Variants in CSMD1 observed in about 807,000 individuals in gnomAD.
CSMD1 encodes the protein CUB and sushi domain-containing protein 1.
CSMD1 carries 213 observed loss-of-function variants against 417.5 expected under a neutral mutation model. That is an observed-to-expected ratio of 0.51 (90% CI 0.46 to 0.57). The LOEUF (loss-of-function observed/expected upper bound fraction) is 0.57, where lower values mean the gene tolerates loss of function less well. Among genes scored for constraint, CSMD1 ranks in the 20% least tolerant of loss-of-function variants. CSMD1 has a pLI of 0.00. For synonymous variants in CSMD1, 2,862 were observed against 1,736.8 expected, an observed-to-expected ratio of 1.65 and a Z score of -16.11; for missense variants, 6,923 against 4,529.7, an observed-to-expected ratio of 1.53 and a Z score of -15.17.
chr8:4,441,344 C>G (rs1356451802), intron 2 of CSMD1, among the ~76,000 whole-genome samples: 4 of 148,814 alleles, frequency 2.7e-5, no homozygotes, highest in Admixed American at 6.7e-5. Context: ...AACAGCTGGC[C>G]CCAAGCAATC....
intron 1 of CSMD1, among the ~76,000 whole-genome samples, chr8:4,947,020 A>G (rs1808415149): frequency 1.3e-5 from 2 of 152,198 alleles, no homozygotes; most frequent in South Asian, 2.1e-4. Flanking sequence ...AATCAGCAAA[A>G]TAAGAACTTT....
chr8:4,168,278 C>G (rs1797569425), intron 3 of CSMD1, among the ~76,000 whole-genome samples: 1 of 151,724 alleles, frequency 6.6e-6, no homozygotes, highest in Non-Finnish European at 1.5e-5. Flanking sequence ...CCTGTACTCC[C>G]AACTACACAG....
At chr8:4,877,765 C>T (rs577372683) in intron 1 of CSMD1, among the ~76,000 whole-genome samples, 43 of 152,190 alleles carry the variant, frequency 2.8e-4, no homozygotes, top group South Asian at 1.7e-3. Context: ...TGTATTCATG[C>T]CTGTAAAAAG....
At chr8:3,692,552 A>G (rs1229459152) in intron 7 of CSMD1, among the ~76,000 whole-genome samples, 1 of 151,762 alleles carries the variant, frequency 6.6e-6, no homozygotes, top group African/African-American at 2.4e-5. Context: ...CTCCTGCCTC[A>G]GCCTCCCGAG....
intron 5 of CSMD1, among the ~76,000 whole-genome samples, chr8:3,777,084 A>G (rs1315415656): frequency 1.3e-5 from 2 of 150,246 alleles, no homozygotes; most frequent in African/African-American, 2.5e-5. Flanking sequence ...GCTTCCTACT[A>G]TCTATCTATC....
intron 7 of CSMD1, among the ~76,000 whole-genome samples, chr8:3,636,309 C>G (rs1286895899): frequency 6.6e-6 from 1 of 152,156 alleles, no homozygotes; most frequent in Non-Finnish European, 1.5e-5. Flanking sequence ...GTTGTACAGG[C>G]CGGGATTACA....
chr8:3,569,912 G>A (rs978043115), intron 10 of CSMD1, among the ~76,000 whole-genome samples: 1 of 152,026 alleles, frequency 6.6e-6, no homozygotes, highest in East Asian at 1.9e-4. Context: ...AAATGACAAA[G>A]GGCAAATAAT....
chr8:3,544,446 C>G (rs1337470441), intron 10 of CSMD1, among the ~76,000 whole-genome samples: 1 of 152,070 alleles, frequency 6.6e-6, no homozygotes, highest in East Asian at 1.9e-4. Flanking sequence ...CTCTTACTCT[C>G]GGGAACGCCT....
At chr8:4,216,193 C>G (rs1406591335) in intron 3 of CSMD1, among the ~76,000 whole-genome samples, 1 of 152,182 alleles carries the variant, frequency 6.6e-6, no homozygotes, top group African/African-American at 2.4e-5. Context: ...GCTTTGTCAA[C>G]ATTGCGATGG....
intron 1 of CSMD1, among the ~76,000 whole-genome samples, chr8:4,773,629 T>C (rs1796704628): frequency 6.6e-6 from 1 of 152,184 alleles, no homozygotes; most frequent in Non-Finnish European, 1.5e-5. Flanking sequence ...GTCATCTCCT[T>C]TTGGGTTATT....
rs756417392 is a variant in CSMD1 at position 2,974,545 on chromosome 8, G to C, written c.8646C>G (p.His2882Gln). 7 of 1,613,450 alleles carry C rather than the reference G, an allele frequency of 4.3e-6. No homozygotes were observed. Among genetic ancestry groups the C allele is most frequent in the Non-Finnish European group, 4.2e-6 (5 of 1,179,686 alleles). Reference protein sequence around the residue: ...GELFTYGAVVHYSCRGSESLI... With the variant: ...GELFTYGAVVQYSCRGSESLI... ...GGCTCTCGCTCCCTCTGCAGGAGTA[G>C]TGCACGACGGCGCCATAGGTAAACA... The change falls in exon 56 of 70, where the codon CAC (histidine) becomes CAG (glutamine). Residue 2882 changes from histidine to glutamine, a missense_variant. Physicochemically the swap from His to Gln is conservative, Grantham distance 24. Transcript: ENST00000635120.
intron 25 of CSMD1, among the ~76,000 whole-genome samples, chr8:3,300,079 G>A (rs1804270659): frequency 1.3e-5 from 2 of 152,156 alleles, no homozygotes; most frequent in Non-Finnish European, 2.9e-5. Context: ...CCAAAAGGGT[G>A]TAGTTTAAAT....
chr8:3,353,722 G>T (rs563875949), intron 21 of CSMD1, among the ~76,000 whole-genome samples: 2 of 151,736 alleles, frequency 1.3e-5, no homozygotes, highest in South Asian at 2.1e-4. Context: ...TTTTAAAAAA[G>T]TTTTTCAATA....
At chr8:2,983,885 A>G (rs1448586854) in intron 54 of CSMD1, among the ~76,000 whole-genome samples, 3 of 152,242 alleles carry the variant, frequency 2.0e-5, no homozygotes, top group East Asian at 3.8e-4. Flanking sequence ...AAGGAAAAGT[A>G]AAATCGAAAC....
chr8:3,709,539 G>C (rs944501617), intron 6 of CSMD1, among the ~76,000 whole-genome samples: 5 of 152,042 alleles, frequency 3.3e-5, no homozygotes, highest in South Asian at 2.1e-4. Flanking sequence ...TGAATCAGCT[G>C]ACTCAGGAAA....
chr8:4,730,560 G>C (rs1473714168), intron 1 of CSMD1, among the ~76,000 whole-genome samples: 1 of 151,978 alleles, frequency 6.6e-6, no homozygotes, highest in Non-Finnish European at 1.5e-5. Context: ...CTAACACGGT[G>C]AAACTCCGTC....
At chr8:3,672,712 G>C (rs774882643) in intron 7 of CSMD1, among the ~76,000 whole-genome samples, 19 of 152,272 alleles carry the variant, frequency 1.2e-4, no homozygotes, top group Non-Finnish European at 2.2e-4. Context: ...CATGGTGGTG[G>C]TTTGAAATTG....
intron 10 of CSMD1, among the ~76,000 whole-genome samples, chr8:3,506,728 C>G (rs1037703817): frequency 1.3e-5 from 2 of 152,208 alleles, no homozygotes; most frequent in Non-Finnish European, 2.9e-5. Flanking sequence ...CAATGATTGA[C>G]TGTATAGGAG....
intron 2 of CSMD1, among the ~76,000 whole-genome samples, chr8:4,496,757 G>A (rs1202817350): frequency 6.6e-6 from 1 of 152,090 alleles, no homozygotes; most frequent in Non-Finnish European, 1.5e-5. Context: ...AACAAAGCTG[G>A]GAGTAATTTT....
Sources: gnomAD v4.1 joint callset for allele counts (sites outside exome capture counted in the v4.1 genomes callset) on GRCh38, gnomAD v4.1.1 for gene constraint, MANE v1.5 for transcripts, NCBI Gene and HGNC (gene_info 2026-07-23, HGNC 2026-07-21) for gene names.